RAD21L1: variants seen among roughly 807,000 people sequenced by gnomAD.
RAD21L1 encodes the protein RAD21 cohesin complex component like 1.
In RAD21L1, 47 loss-of-function variants were observed where a neutral mutation model predicts 69.0. The observed-to-expected ratio is 0.68, with a 90% CI of 0.54 to 0.87. RAD21L1 has a LOEUF of 0.87. RAD21L1 is among the 40% of genes least tolerant of loss of function. RAD21L1 has a pLI of 0.00. For synonymous variants in RAD21L1, 177 were observed against 205.8 expected, an observed-to-expected ratio of 0.86 and a Z score of 1.20; for missense variants, 583 against 647.6, an observed-to-expected ratio of 0.90 and a Z score of 1.08.
At chr20:1,227,644 T>A (rs1174090026) in intron 1 of RAD21L1, among the ~76,000 whole-genome samples, 2 of 152,238 alleles carry the variant, frequency 1.3e-5, no homozygotes, top group African/African-American at 4.8e-5. Context: ...TCCCTTCTCA[T>A]CTTTAGCTTA....
At chr20:1,244,862 C>G (rs1268879467) in intron 11 of RAD21L1, among the ~76,000 whole-genome samples, 1 of 152,088 alleles carries the variant, frequency 6.6e-6, no homozygotes, top group Non-Finnish European at 1.5e-5. Context: ...AAAGTCAACC[C>G]ATGTTGAAAC....
Position 1,238,151 on chromosome 20 carries a change from C to T in RAD21L1, c.583C>T (p.Arg195Ter), listed in dbSNP as rs1258251700. ...TAGTTCTGGAAGCCTCACTGGAGAA[C>T]GATCTCTATTCTATGACAGTGGAGA... ...EHSSGSLTGE[R>*]SLFYDSGDGF... Residue 195 changes from arginine (R) to a stop codon, truncating the protein, a stop_gained, in exon 6 of 14, where the codon CGA (arginine) becomes TGA (stop). Transcript: ENST00000683101. LOFTEE classifies it high-confidence loss of function. 2.9e-5 allele frequency: 45 copies of T among 1,544,894 alleles called. No homozygotes were observed. Among genetic ancestry groups the T allele is most frequent in the Admixed American group, 3.9e-5 (2 of 50,954 alleles).
chr20:1,249,904 G>A (rs987454215), intron 13 of RAD21L1, among the ~76,000 whole-genome samples: 13 of 151,470 alleles, frequency 8.6e-5, no homozygotes, highest in Non-Finnish European at 1.8e-4. Flanking sequence ...TGTGCACAAC[G>A]TGCAGGTTTG....
chr20:1,239,883 T>TA (rs1437255117), intron 7 of RAD21L1, among the ~76,000 whole-genome samples: 6 of 152,212 alleles, frequency 3.9e-5, no homozygotes, highest in Non-Finnish European at 5.9e-5. Context: ...ATTTGCTTTC[T>TA]AAAAACAACA....
chr20:1,254,915 TA>T lies in RAD21L1; in HGVS notation c.*462del, dbSNP rs2087905981. ...TTAGCATACATTTAGCATGCATTTT[TA>T]AAATGCTGTATGTTTTTGACAGACA... On this transcript the variant is annotated 3_prime_UTR_variant, in exon 14 of 14. Coordinates refer to ENST00000683101, the MANE Select transcript of RAD21L1 (RefSeq NM_001384355.1). 1.3e-5 allele frequency among the ~76,000 whole-genome samples: 2 copies of T among 152,244 alleles called. No individual in the cohort carries two copies.
intron 13 of RAD21L1, among the ~76,000 whole-genome samples, chr20:1,251,240 A>G (rs1176505080): frequency 6.6e-6 from 1 of 152,146 alleles, no homozygotes; most frequent in Non-Finnish European, 1.5e-5. Flanking sequence ...TTGTGATGTT[A>G]TTGAAAGGTC....
intron 3 of RAD21L1, among the ~76,000 whole-genome samples, chr20:1,231,123 G>A (rs2087381591): frequency 6.6e-6 from 1 of 152,180 alleles, no homozygotes; most frequent in East Asian, 1.9e-4. Flanking sequence ...AGTCCCTGAG[G>A]GAATAGCATT....
At chr20:1,248,045 CAAAAA>C (rs71327497) in intron 12 of RAD21L1, among the ~76,000 whole-genome samples, 1 of 71,928 alleles carries the variant, frequency 1.4e-5, no homozygotes, top group Admixed American at 1.8e-4. Context: ...CCTTAAATAC[CAAAAA>C]AAAAAAAAAA....
At chr20:1,234,538 C>G (rs2087456896) in intron 5 of RAD21L1, among the ~76,000 whole-genome samples, 1 of 152,184 alleles carries the variant, frequency 6.6e-6, no homozygotes, top group South Asian at 2.1e-4. Flanking sequence ...GGTCAACATA[C>G]ATACAAGATT....
chr20:1,239,086 C>A (rs1473206603), intron 6 of RAD21L1, among the ~76,000 whole-genome samples: 2 of 152,156 alleles, frequency 1.3e-5, no homozygotes, highest in Non-Finnish European at 2.9e-5. Context: ...CTCAGCTTCC[C>A]AATGTGCTGG....
In RAD21L1 at chr20:1,254,370, A is replaced by G; in HGVS notation, c.1581A>G (p.Leu527=). 2.6e-6 allele frequency: 4 copies of G among 1,551,344 alleles called. No individual in the cohort carries two copies. The highest frequency in any genetic ancestry group is 3.5e-6 in the Non-Finnish European group (4 of 1,146,782). The change falls in exon 14 of 14, where the codon CTA becomes CTG. Residue 527 remains leucine, a synonymous_variant. Transcript: ENST00000683101. The stretch of plus-strand genomic sequence containing the variant: ...CCAAATTTTATAGCTTTCTTGTCCT[A>G]AAGAAACAGCTGGCTATTGAGCTGA... ...AAAKFYSFLV[L]KKQLAIELSQ... is the part of the protein sequence containing the mutation.
rs1343593426 is a variant in RAD21L1 at position 1,234,113 on chromosome 20, C to G, written c.397C>G (p.Gln133Glu). The change falls in exon 5 of 14, where the codon CAG becomes GAG. Residue 133 changes from glutamine to glutamate, a missense_variant. By Grantham distance (29) the Gln-to-Glu change is conservative. Coordinates refer to ENST00000683101, the MANE Select transcript of RAD21L1 (RefSeq NM_001384355.1). ...NAIDVSEHFT[Q>E]NQSRPEEITL... ...TATTGATGTTTCAGAACACTTTACT[C>G]AGAACCAAAGCAGACCAGAAGAAAT... 2 of 1,541,658 alleles carry G rather than the reference C, an allele frequency of 1.3e-6. No homozygotes were observed. The highest frequency in any genetic ancestry group is 1.8e-6 in the Non-Finnish European group (2 of 1,139,000).
chr20:1,227,168 C>G (rs900994286), intron 1 of RAD21L1, among the ~76,000 whole-genome samples: 1 of 152,342 alleles, frequency 6.6e-6, no homozygotes, highest in South Asian at 2.1e-4. Context: ...GCCTCAGCCT[C>G]CCACAGTGCT....
intron 3 of RAD21L1, among the ~76,000 whole-genome samples, 183 bp downstream of exon 3, chr20:1,230,192 A>G: frequency 6.6e-6 from 1 of 152,206 alleles, no homozygotes. Flanking sequence ...TACCTGCAGG[A>G]AAAGGTTATG....
chr20:1,247,807 G>A (rs1270425302), intron 12 of RAD21L1, among the ~76,000 whole-genome samples: 1 of 152,042 alleles, frequency 6.6e-6, no homozygotes, highest in East Asian at 1.9e-4. Flanking sequence ...AGGTGAGAGT[G>A]ACATAGATGC....
chr20:1,229,674 A>G (rs559382296), intron 2 of RAD21L1, among the ~76,000 whole-genome samples: 1 of 152,332 alleles, frequency 6.6e-6, no homozygotes, highest in South Asian at 2.1e-4. Flanking sequence ...AGTATACTTT[A>G]CTTAAATGCC....
In RAD21L1 at chr20:1,255,661, T is replaced by C. The variant is rs1377926264; in HGVS notation, c.*1204T>C. On this transcript the variant is annotated 3_prime_UTR_variant, in exon 14 of 14. Transcript: ENST00000683101. Reference sequence around the variant, plus strand: ...GAATTTTAACATATTTGTAGAGTCCTGTAACCATCTCCACAATTAGGATTC... The same window carrying C: ...GAATTTTAACATATTTGTAGAGTCCCGTAACCATCTCCACAATTAGGATTC... Among the ~76,000 whole-genome samples, 3 of 152,224 alleles carry C rather than the reference T, an allele frequency of 2.0e-5. No individual in the cohort carries two copies. In the South Asian group the frequency reaches 6.2e-4, roughly 32 times the overall value.
chr20:1,232,851 G>A (rs1283933647), intron 4 of RAD21L1, among the ~76,000 whole-genome samples: 1 of 152,098 alleles, frequency 6.6e-6, no homozygotes, highest in Non-Finnish European at 1.5e-5. Context: ...CAAAAGAGTT[G>A]GAAGTGATTA....
Position 1,246,123 on chromosome 20 carries a change from ATTCATGTGATTAAAGC to A in RAD21L1, c.1309-89_1309-74del, listed in dbSNP as rs528416614. 1.6e-3 allele frequency: 924 copies of A among 567,642 alleles called. 11 individuals carry two copies. Among genetic ancestry groups the A allele is most frequent in the South Asian group, 8.1e-3 (260 of 32,168 alleles). 35.2% of individuals were successfully genotyped at this position (567,642 alleles called of 1,614,324 possible). The stretch of plus-strand genomic sequence containing the variant: ...TTTTAAATTAGTTTGAGAAGTGAGC[ATTCATGTGATTAAAGC>A]ATTTAATAAAATTAGATTGTTCCTG... On this transcript the variant is annotated intron_variant, in intron 11 of 13. Coordinates refer to ENST00000683101, the MANE Select transcript of RAD21L1 (RefSeq NM_001384355.1). The surrounding 1 kb of genome is among the most constrained non-coding windows in gnomAD (Gnocchi z 4.6).
Sources: allele counts gnomAD v4.1 joint callset (sites outside exome capture counted in the v4.1 genomes callset), GRCh38; gene constraint gnomAD v4.1.1; non-coding constraint Gnocchi (gnomAD v3.1); transcripts MANE v1.5; gene names NCBI Gene and HGNC (gene_info 2026-07-23, HGNC 2026-07-21).